BRAF: variants seen among roughly 807,000 people sequenced by gnomAD.
The protein encoded by BRAF is serine/threonine-protein kinase B-raf.
Under a neutral mutation model 104.6 loss-of-function variants are expected in BRAF, and 16 were observed. That is an observed-to-expected ratio of 0.15 (90% CI 0.10 to 0.23). The LOEUF is 0.23. BRAF is among the 10% of genes least tolerant of loss of function. The pLI, the probability that BRAF is intolerant of heterozygous loss-of-function variation, is 1.00. For missense variants in BRAF, 541 were observed against 937.3 expected, an observed-to-expected ratio of 0.58 and a Z score of 5.52; for synonymous variants, 310 against 341.6, an observed-to-expected ratio of 0.91 and a Z score of 1.02.
At chr7:140,798,115 C>G (rs1802674196) in intron 7 of BRAF, among the ~76,000 whole-genome samples, 1 of 152,056 alleles carries the variant, frequency 6.6e-6, no homozygotes. Flanking sequence ...AAAATGTCAA[C>G]TGATTTTGAA....
At position 140,724,725 on chromosome 7, in the gene BRAF, A is replaced by C; in HGVS notation, c.*1769T>G. 9.7e-7 allele frequency: 1 copy of C among 1,033,464 alleles called. No homozygotes were observed. Among genetic ancestry groups the C allele is most frequent in the East Asian group, 6.1e-5 (1 of 16,482 alleles). The allele number at this position is 1,033,464 out of a possible 1,614,324, so 64.0% of individuals were successfully genotyped here. A position where few individuals can be genotyped will look rare whatever the true frequency, so the allele number is the denominator to read the frequency against. The stretch of plus-strand genomic sequence containing the variant: ...TGAAATTTTTAAATAACAATTTCTA[A>C]TTCCTTGATTTATTCTGGGTCTTGT... On this transcript the variant is annotated 3_prime_UTR_variant, in exon 20 of 20. Transcript: ENST00000644969.
rs1217309134 is a variant in BRAF, at chr7:140,734,605, C to G, written c.2401+12G>C. On this transcript the variant is annotated intron_variant, in intron 19 of 19. Transcript: ENST00000644969. Reference sequence around the variant, plus strand: ...TCTCTCACTCATTTGTTTCAGTGGACAGGAAACGCACCATATCCCCCTGCC... The same window carrying G: ...TCTCTCACTCATTTGTTTCAGTGGAGAGGAAACGCACCATATCCCCCTGCC... 3 of 1,613,364 alleles carry G rather than the reference C, an allele frequency of 1.9e-6. No individual in the cohort carries two copies. The highest frequency in any genetic ancestry group is 1.7e-6 in the Non-Finnish European group (2 of 1,179,872).
At chr7:140,835,692 A>G (rs1807252971) in intron 2 of BRAF, 1 of 152,172 alleles carries the variant, frequency 6.6e-6, no homozygotes, top group South Asian at 2.1e-4. Flanking sequence ...TGAAGGCTAT[A>G]AAGTCAAGCA....
At chr7:140,880,883 T>C (rs759964974) in intron 1 of BRAF, among the ~76,000 whole-genome samples, 1 of 151,448 alleles carries the variant, frequency 6.6e-6, no homozygotes, top group Non-Finnish European at 1.5e-5. Flanking sequence ...GGCAGGAGGA[T>C]TGCTTGAGCT....
intron 1 of BRAF, among the ~76,000 whole-genome samples, chr7:140,879,087 A>G (rs1355426516): frequency 6.6e-6 from 1 of 151,920 alleles, no homozygotes; most frequent in Non-Finnish European, 1.5e-5. Context: ...CATGTTGGTC[A>G]GGCTAGTCTC....
intron 1 of BRAF, among the ~76,000 whole-genome samples, chr7:140,918,819 T>C (rs1209149018): frequency 6.6e-6 from 1 of 152,144 alleles, no homozygotes; most frequent in Admixed American, 6.5e-5. Context: ...ACAAAAACAG[T>C]TTCACATATG....
chr7:140,723,019 A>AG lies in BRAF; in HGVS notation c.*3474dup. On this transcript the variant is annotated 3_prime_UTR_variant, in exon 20 of 20. Coordinates refer to ENST00000644969, the MANE Select transcript of BRAF (RefSeq NM_001374258.1). The stretch of plus-strand genomic sequence containing the variant: ...AAATCTTAAATCATCGTCATGTTCT[A>AG]GAGCTCCTGACTTTTCATATTTTAA... The AG allele has an allele frequency of 9.5e-7, 1 of 1,051,530 alleles. No homozygotes were observed. The highest frequency in any genetic ancestry group is 4.6e-5 in the South Asian group (1 of 21,856). 65.1% of individuals were successfully genotyped at this position (1,051,530 alleles called of 1,614,324 possible).
intron 17 of BRAF, among the ~76,000 whole-genome samples, chr7:140,745,188 ATAG>A (rs1797251705): frequency 1.3e-5 from 2 of 152,300 alleles, no homozygotes; most frequent in African/African-American, 4.8e-5. Context: ...TGTATCTAAT[ATAG>A]TAGTCTTATT....
At position 140,743,573 on chromosome 7, in the gene BRAF, T is replaced by C. The variant is rs199956182; in HGVS notation, c.2113-3627A>G. 3.1e-4 allele frequency among the ~76,000 whole-genome samples: 47 copies of C among 151,690 alleles called. 2 individuals carry two copies. In the East Asian group the frequency reaches 8.8e-3, roughly 28 times the overall value. On this transcript the variant is annotated intron_variant, in intron 17 of 19. Coordinates refer to ENST00000644969, the MANE Select transcript of BRAF (RefSeq NM_001374258.1). ...GAACATCACACTCTGGGGACTGTTGTGGGGTGGGTGGAGTGGGGAGGGATA... is the reference window on the plus strand; with the variant it reads ...GAACATCACACTCTGGGGACTGTTGCGGGGTGGGTGGAGTGGGGAGGGATA...
chr7:140,862,008 T>C (rs964510460), intron 1 of BRAF, among the ~76,000 whole-genome samples: 3 of 152,206 alleles, frequency 2.0e-5, no homozygotes, highest in Non-Finnish European at 2.9e-5. Flanking sequence ...CCCTGCACCC[T>C]GGAGGAAAGC....
At chr7:140,791,339 T>C (rs1434172153) in intron 8 of BRAF, among the ~76,000 whole-genome samples, 4 of 152,180 alleles carry the variant, frequency 2.6e-5, no homozygotes, top group East Asian at 3.8e-4. Flanking sequence ...TTTATCTCAT[T>C]TGAATCGTAA....
In BRAF at chr7:140,720,466, A is replaced by G; in HGVS notation, c.*6028T>C. ...ACGTTGGTCATTAACATGAATAAAA[A>G]GGCATTATATGTTGATATAGCTGGT... On this transcript the variant is annotated 3_prime_UTR_variant, in exon 20 of 20. Coordinates refer to ENST00000644969, the MANE Select transcript of BRAF (RefSeq NM_001374258.1). The G allele has an allele frequency of 9.4e-7, 1 of 1,063,944 alleles. No homozygotes were observed. Among genetic ancestry groups the G allele is most frequent in the Non-Finnish European group, 1.1e-6 (1 of 878,454 alleles). The allele number at this position is 1,063,944 out of a possible 1,614,324, so 65.9% of individuals were successfully genotyped here. A position where few individuals can be genotyped will look rare whatever the true frequency, so the allele number is the denominator to read the frequency against.
Position 140,722,800 on chromosome 7 carries a change from C to A in BRAF, c.*3694G>T. 4.7e-6 allele frequency: 5 copies of A among 1,052,926 alleles called. No homozygotes were observed. The highest frequency in any genetic ancestry group is 5.7e-6 in the Non-Finnish European group (5 of 871,546). 65.2% of individuals were successfully genotyped at this position (1,052,926 alleles called of 1,614,324 possible). A position where few individuals can be genotyped will look rare whatever the true frequency, so the allele number is the denominator to read the frequency against. On this transcript the variant is annotated 3_prime_UTR_variant, in exon 20 of 20. Transcript: ENST00000644969. ...TTACATCACTGTTAGTGAAGTGATA[C>A]CACAGCTATTTAATTTCATGCAATT...
At chr7:140,758,318 A>C (rs897575445) in intron 14 of BRAF, 2 of 152,228 alleles carry the variant, frequency 1.3e-5, no homozygotes, top group Non-Finnish European at 2.9e-5. Flanking sequence ...CGAGAATGGC[A>C]TTCTGTTACT....
At position 140,788,838 on chromosome 7, in the gene BRAF, C is replaced by T. The variant is rs538863392; in HGVS notation, c.1141-1254G>A. On this transcript the variant is annotated intron_variant, in intron 8 of 19. Coordinates refer to ENST00000644969, the MANE Select transcript of BRAF (RefSeq NM_001374258.1). The stretch of plus-strand genomic sequence containing the variant: ...TCCTGACCTCAGGTGATCCGTCCAC[C>T]TCAGCCTCCCAAAGTGCTGGGATTA... 3.2e-3 allele frequency among the ~76,000 whole-genome samples: 494 copies of T among 152,080 alleles called. 3 individuals are homozygous for T. Among genetic ancestry groups the T allele is most frequent in the African/African-American group, 0.011 (472 of 41,520 alleles).
At chr7:140,891,236 A>G (rs1362544171) in intron 1 of BRAF, among the ~76,000 whole-genome samples, 3 of 152,226 alleles carry the variant, frequency 2.0e-5, no homozygotes, top group Non-Finnish European at 2.9e-5. Flanking sequence ...ACTAAATTCT[A>G]AAGGATGAGT....
At position 140,809,254 on chromosome 7, in the gene BRAF, A is replaced by G. The variant is rs145522765; in HGVS notation, c.505-259T>C. Among the ~76,000 whole-genome samples the G allele has an allele frequency of 5.9e-5, 9 of 152,334 alleles. No homozygotes were observed. In the East Asian group the frequency reaches 1.7e-3, roughly 29 times the overall value. ...AATACTTTAAACATATAAAAAGAAG[A>G]AGTAACAGTATCTGCTACAATATAC... On this transcript the variant is annotated intron_variant, in intron 3 of 19. Transcript: ENST00000644969.
At position 140,721,288 on chromosome 7, in the gene BRAF, C is replaced by G. The variant is rs971898637; in HGVS notation, c.*5206G>C. On this transcript the variant is annotated 3_prime_UTR_variant, in exon 20 of 20. Coordinates refer to ENST00000644969, the MANE Select transcript of BRAF (RefSeq NM_001374258.1). The stretch of plus-strand genomic sequence containing the variant: ...ACTCATTGAGTTGCCGACTAATTGC[C>G]CCATGCATTTTTTTTTTTTAAAGCA... 3.5e-6 allele frequency: 4 copies of G among 1,154,144 alleles called. No individual in the cohort carries two copies. In the African/African-American group the frequency reaches 6.4e-5, roughly 18 times the overall value. 71.5% of individuals were successfully genotyped at this position (1,154,144 alleles called of 1,614,324 possible). A position where few individuals can be genotyped will look rare whatever the true frequency, so the allele number is the denominator to read the frequency against.
Position 140,739,177 on chromosome 7 carries a change from C to T in BRAF, c.2247+635G>A, listed in dbSNP as rs1259767249. Among the ~76,000 whole-genome samples the T allele has an allele frequency of 2.6e-5, 4 of 151,860 alleles. No homozygotes were observed. In the East Asian group the frequency reaches 5.8e-4, roughly 22 times the overall value. ...GGTCCGTGGACCACCAGGGGATCCA[C>T]GAGGTCAAAACTATTTTTGTAATAA... On this transcript the variant is annotated intron_variant, in intron 18 of 19. Transcript: ENST00000644969.
Sources: allele counts gnomAD v4.1 joint callset (sites outside exome capture counted in the v4.1 genomes callset), GRCh38; gene constraint gnomAD v4.1.1; transcripts MANE v1.5; gene names NCBI Gene and HGNC (gene_info 2026-07-23, HGNC 2026-07-21).